The following PCDH11X variants were observed in gnomAD, a reference collection of about 807,000 sequenced individuals.
PCDH11X encodes protocadherin-11 X-linked.
Under a neutral mutation model 53.3 loss-of-function variants are expected in PCDH11X, and 18 were observed. The ratio of observed to expected loss-of-function variants is 0.34; its 90% CI spans 0.23 to 0.50. The LOEUF (loss-of-function observed/expected upper bound fraction) is 0.50. Ranked by LOEUF, PCDH11X falls within the 20% of genes least tolerant of loss-of-function variation. The probability of loss-of-function intolerance (pLI) is 0.98; values close to 1 mark genes in which losing one functional copy is unlikely to be tolerated. For synonymous variants in PCDH11X, 279 were observed against 393.3 expected (o/e 0.71, Z 3.44); for missense variants, 570 against 1,032.4 (o/e 0.55, Z 6.14).
chrX:92,332,407 T>C (rs1374260508), intron 8 of PCDH11X, among the ~76,000 whole-genome samples: 1 of 110,239 alleles, frequency 9.1e-6, no homozygotes, highest in East Asian at 2.8e-4. Context: ...CATGCACACA[T>C]GTGTGCATTC....
chrX:92,570,750 C>A (rs1480511820), intron 10 of PCDH11X, among the ~76,000 whole-genome samples: 1 of 100,653 alleles, frequency 9.9e-6, no homozygotes, highest in Non-Finnish European at 2.0e-5. Flanking sequence ...TTGTTAATAA[C>A]CATAATGAGT....
chrX:92,551,720 T>C (rs1310281646), intron 10 of PCDH11X, among the ~76,000 whole-genome samples: 1 of 111,123 alleles, frequency 9.0e-6, no homozygotes, highest in East Asian at 2.8e-4. Context: ...ATTTTGATTT[T>C]ATTTTTGTAT....
In PCDH11X at chrX:91,865,558, A is replaced by T. The variant is rs1193151230; in HGVS notation, c.541-11223A>T. ...TCTACAGTCAGCCAGTGGCAAAGCC[A>T]GCCAGGTCTATGTCTTTCATTTCAG... On this transcript the variant is annotated intron_variant, in intron 5 of 10. Transcript: ENST00000682573. Among the ~76,000 whole-genome samples, 3 of 111,682 alleles carry T rather than the reference A, an allele frequency of 2.7e-5. No homozygotes were observed. The East Asian group carries it at 8.5e-4, about 32-fold the overall frequency.
At chrX:91,809,920 T>C (rs964251915) in intron 2 of PCDH11X, among the ~76,000 whole-genome samples, 1 of 110,876 alleles carries the variant, frequency 9.0e-6, no homozygotes, top group Non-Finnish European at 1.9e-5. Context: ...AAAAGTATGA[T>C]TCATAGCCAT....
intron 6 of PCDH11X, among the ~76,000 whole-genome samples, chrX:92,170,752 C>T (rs953986853): frequency 6.6e-5 from 7 of 105,957 alleles, no homozygotes; most frequent in East Asian, 6.1e-4. Context: ...TGTGTGCCAA[C>T]GAGCCTAGCT....
At chrX:92,400,263 T>C (rs1265984803) in intron 9 of PCDH11X, among the ~76,000 whole-genome samples, 3 of 111,565 alleles carry the variant, frequency 2.7e-5, no homozygotes, top group African/African-American at 9.8e-5. Flanking sequence ...TCAGCAAACA[T>C]CTCTGCAGGT....
At chrX:92,335,483 G>A (rs968312976) in intron 8 of PCDH11X, among the ~76,000 whole-genome samples, 2 of 108,478 alleles carry the variant, frequency 1.8e-5, no homozygotes, top group Non-Finnish European at 3.8e-5. Context: ...GAAGGAAATC[G>A]AAATCTATTT....
At chrX:91,965,415 T>C (rs891489122) in intron 6 of PCDH11X, among the ~76,000 whole-genome samples, 5 of 110,591 alleles carry the variant, frequency 4.5e-5, no homozygotes, top group African/African-American at 1.3e-4. Context: ...TTTGACTTCT[T>C]TTTTTTCCTT....
intron 8 of PCDH11X, among the ~76,000 whole-genome samples, chrX:92,289,292 G>T (rs2068445092): frequency 9.0e-6 from 1 of 111,005 alleles, no homozygotes; most frequent in African/African-American, 3.3e-5. Context: ...TATATCTACT[G>T]TCTTCTCAAT....
chrX:92,358,863 G>C (rs1454947714), intron 8 of PCDH11X, among the ~76,000 whole-genome samples: 1 of 110,297 alleles, frequency 9.1e-6, no homozygotes, highest in East Asian at 2.9e-4. Flanking sequence ...CTTGCTTATA[G>C]GAAGTTTCTA....
chrX:92,269,336 A>C (rs1302808878), intron 8 of PCDH11X, among the ~76,000 whole-genome samples: 1 of 112,090 alleles, frequency 8.9e-6, no homozygotes, highest in Non-Finnish European at 1.9e-5. Context: ...TTAAAAAATC[A>C]AAAAAATTAT....
At chrX:92,089,439 G>C (rs1394161011) in intron 6 of PCDH11X, among the ~76,000 whole-genome samples, 3 of 111,983 alleles carry the variant, frequency 2.7e-5, no homozygotes, top group Non-Finnish European at 5.6e-5. Context: ...TTATGGGAGA[G>C]GAATATCTGA....
At chrX:92,493,220 T>A (rs2073798046) in intron 10 of PCDH11X, among the ~76,000 whole-genome samples, 1 of 111,275 alleles carries the variant, frequency 9.0e-6, no homozygotes, top group Non-Finnish European at 1.9e-5. Flanking sequence ...TTACTTTTAC[T>A]GCAATGGTAA....
At chrX:92,553,085 T>C (rs1390031787) in intron 10 of PCDH11X, among the ~76,000 whole-genome samples, 1 of 107,195 alleles carries the variant, frequency 9.3e-6, no homozygotes, top group African/African-American at 3.4e-5. Flanking sequence ...ATTGGCCTCA[T>C]AGAATGAATT....
At chrX:91,960,941 A>C (rs1423399681) in intron 6 of PCDH11X, among the ~76,000 whole-genome samples, 1 of 104,997 alleles carries the variant, frequency 9.5e-6, no homozygotes, top group Non-Finnish European at 1.9e-5. Context: ...CTGTTCTATC[A>C]GTTTATATGT....
At chrX:92,275,790 CAG>C (rs1275886127) in intron 8 of PCDH11X, among the ~76,000 whole-genome samples, 1 of 111,394 alleles carries the variant, frequency 9.0e-6, no homozygotes, top group African/African-American at 3.3e-5. Context: ...AATCCTTTTA[CAG>C]CATGCTGTGG....
intron 8 of PCDH11X, among the ~76,000 whole-genome samples, chrX:92,293,923 A>C (rs1472336993): frequency 2.8e-5 from 3 of 109,060 alleles, no homozygotes; most frequent in Non-Finnish European, 5.7e-5. Flanking sequence ...AAAGACATTA[A>C]GAAATAGAAA....
At chrX:92,048,858 T>C (rs1158870511) in intron 6 of PCDH11X, among the ~76,000 whole-genome samples, 1 of 112,339 alleles carries the variant, frequency 8.9e-6, no homozygotes, top group African/African-American at 3.2e-5. Context: ...TTATATATTT[T>C]AGGAAGACAT....
At chrX:92,410,196 A>T (rs1293889259) in intron 9 of PCDH11X, among the ~76,000 whole-genome samples, 1 of 110,982 alleles carries the variant, frequency 9.0e-6, no homozygotes, top group Non-Finnish European at 1.9e-5. Context: ...GTCATTGAGT[A>T]AATTGATAGG....
Sources: gnomAD v4.1 joint callset for allele counts (sites outside exome capture counted in the v4.1 genomes callset) on GRCh38, gnomAD v4.1.1 for gene constraint, MANE v1.5 for transcripts, NCBI Gene and HGNC (gene_info 2026-07-23, HGNC 2026-07-21) for gene names.